SLC39A8: variants seen among roughly 807,000 people sequenced by gnomAD.
SLC39A8 encodes the protein solute carrier family 39 member 8, also known as metal cation symporter ZIP8.
In SLC39A8, 15 loss-of-function variants were observed where a neutral mutation model predicts 40.4. That is an observed-to-expected ratio of 0.37 (90% CI 0.25 to 0.57). The LOEUF is 0.57. Ranked by LOEUF, SLC39A8 falls within the 20% of genes least tolerant of loss-of-function variation. SLC39A8 has a pLI of 0.75. For missense variants in SLC39A8, 472 were observed against 558.8 expected (o/e 0.84, Z 1.57); for synonymous variants, 223 against 221.6 (o/e 1.01, Z -0.06).
At chr4:102,341,477 A>G (rs1735938275) in intron 2 of SLC39A8, among the ~76,000 whole-genome samples, 2 of 152,248 alleles carry the variant, frequency 1.3e-5, no homozygotes, top group Admixed American at 1.3e-4. Flanking sequence ...ACCCAGGGGT[A>G]TCCAGATATT....
At chr4:102,299,035 G>C (rs959922319) in intron 6 of SLC39A8, among the ~76,000 whole-genome samples, 1 of 151,946 alleles carries the variant, frequency 6.6e-6, no homozygotes, top group African/African-American at 2.4e-5. Context: ...GAACTAGAGA[G>C]ACCCTCAATT....
At chr4:102,284,521 C>A (rs1228690160) in intron 6 of SLC39A8, among the ~76,000 whole-genome samples, 7 of 152,166 alleles carry the variant, frequency 4.6e-5, no homozygotes, top group Non-Finnish European at 1.0e-4. Flanking sequence ...AAATGAATGA[C>A]TGAATACCAT....
At chr4:102,278,937 T>C (rs1732750082) in intron 6 of SLC39A8, among the ~76,000 whole-genome samples, 2 of 151,290 alleles carry the variant, frequency 1.3e-5, no homozygotes, top group Non-Finnish European at 2.9e-5. Flanking sequence ...TAAGTGAGAG[T>C]TGAACAATGA....
intron 2 of SLC39A8, among the ~76,000 whole-genome samples, chr4:102,327,593 C>T (rs1735273257): frequency 6.6e-6 from 1 of 152,202 alleles, no homozygotes; most frequent in South Asian, 2.1e-4. Flanking sequence ...TTGTTTAGCA[C>T]TTAATGTGTG....
In SLC39A8 at chr4:102,344,933, A is replaced by C; in HGVS notation, c.-253-18T>G. On this transcript the variant is annotated intron_variant, in intron 1 of 8. Coordinates refer to ENST00000356736, the MANE Select transcript of SLC39A8 (RefSeq NM_001135146.2). ...TGGAGAGCCTGAGATAAAGAGGACA[A>C]AGGGGGACAGAGATAAAGGCCACCA... is the stretch of plus-strand genomic sequence containing the variant. 1 of 1,236,420 alleles carries C rather than the reference A, an allele frequency of 8.1e-7. No homozygotes were observed. Among genetic ancestry groups the C allele is most frequent in the Non-Finnish European group, 1.0e-6 (1 of 989,872 alleles). The allele number at this position is 1,236,420 out of a possible 1,614,324, so 76.6% of individuals were successfully genotyped here.
chr4:102,296,910 A>G lies in SLC39A8; in HGVS notation c.840+7407T>C, dbSNP rs1440551844. 2.0e-5 allele frequency among the ~76,000 whole-genome samples: 3 copies of G among 152,234 alleles called. No individual in the cohort carries two copies. The East Asian group carries it at 5.8e-4, about 30-fold the overall frequency. On this transcript the variant is annotated intron_variant, in intron 6 of 8. Transcript: ENST00000356736. ...ACAATAGGTACTCACTTACGTGTTA[A>G]ACTATAGGAATGGCTCAGGAAGAAA... is the stretch of plus-strand genomic sequence containing the variant.
At chr4:102,344,258 ACGT>A (rs1736061406) in intron 2 of SLC39A8, among the ~76,000 whole-genome samples, 183 bp downstream of exon 2, 3 of 152,162 alleles carry the variant, frequency 2.0e-5, no homozygotes, top group African/African-American at 7.2e-5. Flanking sequence ...TCCCTTAACA[ACGT>A]TAACCTTTTA....
intron 6 of SLC39A8, among the ~76,000 whole-genome samples, chr4:102,282,720 T>TTTTG (rs1162165888): frequency 2.2e-4 from 34 of 152,072 alleles, no homozygotes; most frequent in South Asian, 1.2e-3. Flanking sequence ...CAAGGCAGTT[T>TTTTG]TTTGTTTGTT....
chr4:102,272,387 C>G (rs1400394995), intron 6 of SLC39A8, among the ~76,000 whole-genome samples: 1 of 150,846 alleles, frequency 6.6e-6, no homozygotes, highest in East Asian at 2.0e-4. Flanking sequence ...TGCAGTGAGC[C>G]GAGATCGCAG....
Position 102,261,927 on chromosome 4 carries a change from C to A in SLC39A8, c.*1117G>T. 4.1e-6 allele frequency: 4 copies of A among 985,840 alleles called. No homozygotes were observed. Among genetic ancestry groups the A allele is most frequent in the Non-Finnish European group, 4.8e-6 (4 of 829,880 alleles). 61.1% of individuals were successfully genotyped at this position (985,840 alleles called of 1,614,324 possible). A position where few individuals can be genotyped will look rare whatever the true frequency, so the allele number is the denominator to read the frequency against. ...TCAATTTTAGACCAATTTTCTCTAT[C>A]TTCTAAATGAGTAAACAGGCTCTGT... On this transcript the variant is annotated 3_prime_UTR_variant, in exon 9 of 9. Coordinates refer to ENST00000356736, the MANE Select transcript of SLC39A8 (RefSeq NM_001135146.2).
intron 2 of SLC39A8, among the ~76,000 whole-genome samples, chr4:102,324,823 T>C (rs1735125894): frequency 2.0e-5 from 3 of 152,142 alleles, no homozygotes; most frequent in Admixed American, 6.5e-5. Flanking sequence ...AAAATGGTAG[T>C]TTGAATTTAA....
intron 6 of SLC39A8, among the ~76,000 whole-genome samples, chr4:102,298,337 A>G (rs1733765090): frequency 6.6e-6 from 1 of 152,042 alleles, no homozygotes; most frequent in Non-Finnish European, 1.5e-5. Flanking sequence ...GCTCTGAGAT[A>G]GACCCAGTGA....
chr4:102,270,093 T>C (rs1246359320), intron 6 of SLC39A8, among the ~76,000 whole-genome samples: 1 of 152,154 alleles, frequency 6.6e-6, no homozygotes. Flanking sequence ...CTTAATGAGA[T>C]TATTTTGAAT....
In SLC39A8 at chr4:102,344,613, C is replaced by T; in HGVS notation, c.50G>A (p.Gly17Asp). Residue 17 changes from glycine (G) to aspartate (D), a missense_variant, in exon 2 of 9, where the codon GGC becomes GAC. Transcript: ENST00000356736. ...VAGLLLLAAA[G>D]LGGVAEGPGL... ...TGGCCCCTCCGCCACTCCTCCGAGG[C>T]CGGCGGCCGCCAGCAACAGGAGCCC... 2 of 1,540,234 alleles carry T rather than the reference C, an allele frequency of 1.3e-6. No homozygotes were observed. The highest frequency in any genetic ancestry group is 2.4e-5 in the South Asian group (2 of 82,458).
intron 4 of SLC39A8, among the ~76,000 whole-genome samples, chr4:102,305,365 A>T (rs1734124835): frequency 6.6e-6 from 1 of 151,946 alleles, no homozygotes. Flanking sequence ...ACAGTTTCCC[A>T]CCTATAACAC....
At chr4:102,329,574 G>A (rs972076319) in intron 2 of SLC39A8, among the ~76,000 whole-genome samples, 1 of 146,514 alleles carries the variant, frequency 6.8e-6, no homozygotes, top group Non-Finnish European at 1.5e-5. Context: ...AGTGAGCTGA[G>A]ATAGTGCCAC....
chr4:102,314,042 A>G (rs773368197), intron 3 of SLC39A8, among the ~76,000 whole-genome samples: 3 of 151,954 alleles, frequency 2.0e-5, no homozygotes, highest in Non-Finnish European at 2.9e-5. Context: ...CACGCCAAAA[A>G]TTATATTCTT....
At chr4:102,305,293 A>T (rs180998046) in intron 4 of SLC39A8, among the ~76,000 whole-genome samples, 182 bp from the exon 5 acceptor site, 122 of 152,096 alleles carry the variant, frequency 8.0e-4, no homozygotes, top group Non-Finnish European at 4.4e-5. Flanking sequence ...ACAAAACTGT[A>T]TGAGATGGCA....
At chr4:102,295,077 C>T (rs747647293) in intron 6 of SLC39A8, among the ~76,000 whole-genome samples, 5 of 149,338 alleles carry the variant, frequency 3.3e-5, no homozygotes, top group East Asian at 2.0e-4. Context: ...CATTTTTACA[C>T]ATCTATTTAT....
Sources: gnomAD v4.1 joint callset for allele counts (sites outside exome capture counted in the v4.1 genomes callset) on GRCh38, gnomAD v4.1.1 for gene constraint, MANE v1.5 for transcripts, NCBI Gene and HGNC (gene_info 2026-07-23, HGNC 2026-07-21) for gene names.